Variants in PAK4 observed in about 807,000 individuals in gnomAD.
PAK4 encodes serine/threonine-protein kinase PAK 4.
A neutral mutation model predicts 53.5 loss-of-function variants in PAK4; 49 were observed. That is an observed-to-expected ratio of 0.92 (90% confidence interval 0.73 to 1.16). PAK4 has a LOEUF of 1.16. PAK4 is among the 50% of genes most tolerant of loss of function. PAK4 has a pLI of 0.00. For synonymous variants in PAK4, 376 were observed against 375.6 expected (o/e 1.00, Z -0.01); for missense variants, 824 against 850.7 (o/e 0.97, Z 0.39).
At chr19:39,132,419 C>T (rs2073730151) in intron 1 of PAK4, among the ~76,000 whole-genome samples, 1 of 152,258 alleles carries the variant, frequency 6.6e-6, no homozygotes. Context: ...GCCCGCCCCT[C>T]CCTTTTGTTT....
rs1256393955 is a variant in PAK4 at position 39,160,513 on chromosome 19, G to A, written c.-22-9019G>A. Among the ~76,000 whole-genome samples, 3 of 152,314 alleles carry A rather than the reference G, an allele frequency of 2.0e-5. No individual in the cohort carries two copies. In the East Asian group the frequency reaches 5.8e-4, roughly 29 times the overall value. On this transcript the variant is annotated intron_variant, in intron 1 of 8. Coordinates refer to ENST00000358301, the Ensembl canonical transcript of PAK4. ...TTCAGGGGTCAGGCAGCCTCTCGGAGGAGGTTTTATTTGCACTAAGACCTG... is the reference window on the plus strand; with the variant it reads ...TTCAGGGGTCAGGCAGCCTCTCGGAAGAGGTTTTATTTGCACTAAGACCTG...
intron 1 of PAK4, among the ~76,000 whole-genome samples, chr19:39,153,686 C>T (rs968044931): frequency 6.6e-6 from 1 of 152,220 alleles, no homozygotes; most frequent in Non-Finnish European, 1.5e-5. Context: ...AGGCGATCCA[C>T]TCGCCTTGGC....
chr19:39,131,098 G>C (rs2073701439), intron 1 of PAK4, among the ~76,000 whole-genome samples: 1 of 152,148 alleles, frequency 6.6e-6, no homozygotes, highest in South Asian at 2.1e-4. Flanking sequence ...GAGGCCCAGA[G>C]AGGTACGGGA....
At chr19:39,158,181 A>G (rs35591784) in intron 1 of PAK4, among the ~76,000 whole-genome samples, 35,923 of 148,892 alleles carry the variant, frequency 0.24, 4,629 homozygotes, top group East Asian at 0.46. Flanking sequence ...GTGAGTGTGC[A>G]TGTGTGTGAG....
intron 1 of PAK4, among the ~76,000 whole-genome samples, chr19:39,144,667 T>C (rs1455606017): frequency 6.6e-6 from 1 of 152,216 alleles, no homozygotes; most frequent in Non-Finnish European, 1.5e-5. Context: ...GGCCGGCTGC[T>C]TCCCGGCCTT....
intron 1 of PAK4, among the ~76,000 whole-genome samples, chr19:39,141,788 A>G (rs1385173510): frequency 6.6e-6 from 1 of 151,990 alleles, no homozygotes; most frequent in East Asian, 1.9e-4. Flanking sequence ...GGCGCCCGCC[A>G]CCACGCCTGG....
Position 39,167,802 on chromosome 19 carries a change from C to T in PAK4, c.-22-1730C>T, listed in dbSNP as rs577892304. On this transcript the variant is annotated intron_variant, in intron 1 of 8. Transcript: ENST00000358301. ...CTGCTCCCAGGAAGGCAGCCTGAGC[C>T]GGGAGGAGAAGTAGGTGTGGAGGGG... is the stretch of plus-strand genomic sequence containing the variant. Among the ~76,000 whole-genome samples, 12 of 152,304 alleles carry T rather than the reference C, an allele frequency of 7.9e-5. No individual in the cohort carries two copies. The South Asian group carries it at 1.7e-3, about 21-fold the overall frequency.
chr19:39,147,946 TTC>T (rs1242816131), intron 1 of PAK4, among the ~76,000 whole-genome samples: 1 of 105,938 alleles, frequency 9.4e-6, no homozygotes, highest in South Asian at 3.4e-4. Context: ...TCTTTATCTA[TTC>T]TCTCTCTTTT....
chr19:39,163,055 G>T (rs548435259), intron 1 of PAK4, among the ~76,000 whole-genome samples: 15 of 152,272 alleles, frequency 9.9e-5, no homozygotes, highest in African/African-American at 3.6e-4. Context: ...ACAGCGAGGA[G>T]CCTGCTGTGC....
At chr19:39,132,633 A>C (rs2073735267) in intron 1 of PAK4, among the ~76,000 whole-genome samples, 1 of 152,198 alleles carries the variant, frequency 6.6e-6, no homozygotes, top group African/African-American at 2.4e-5. Flanking sequence ...CGCCCGCCTG[A>C]GTGTGGCTGT....
At chr19:39,141,523 T>A (rs576527) in intron 1 of PAK4, among the ~76,000 whole-genome samples, 1 of 151,800 alleles carries the variant, frequency 6.6e-6, no homozygotes, top group African/African-American at 2.4e-5. Flanking sequence ...ACCATATTGA[T>A]CAGGCTGGTC....
At chr19:39,134,416 C>G (rs2073772219) in intron 1 of PAK4, among the ~76,000 whole-genome samples, 1 of 152,160 alleles carries the variant, frequency 6.6e-6, no homozygotes, top group South Asian at 2.1e-4. Flanking sequence ...CTTGCTTTTC[C>G]TGATAGTTTT....
intron 1 of PAK4, among the ~76,000 whole-genome samples, chr19:39,135,908 C>T (rs1044889032): frequency 6.6e-6 from 1 of 151,392 alleles, no homozygotes; most frequent in Non-Finnish European, 1.5e-5. Flanking sequence ...TGCCCCCCCG[C>T]CACATCCAAA....
Position 39,173,486 on chromosome 19 carries a change from G to C in PAK4, c.664-90G>C. 2 of 1,349,684 alleles carry C rather than the reference G, an allele frequency of 1.5e-6. No homozygotes were observed. Among genetic ancestry groups the C allele is most frequent in the Non-Finnish European group, 2.0e-6 (2 of 992,106 alleles). The allele number at this position is 1,349,684 out of a possible 1,614,324, so 83.6% of individuals were successfully genotyped here. On this transcript the variant is annotated intron_variant, in intron 3 of 8. Coordinates refer to ENST00000358301, the Ensembl canonical transcript of PAK4. The surrounding 1 kb of genome is among the most constrained non-coding windows in gnomAD (Gnocchi z 6.9). Reference sequence around the variant, plus strand: ...TGCATCTCATCCTGACCACCCATGTGTCTGTCCCATCGCTGGGTCTCTCTC... The same window carrying C: ...TGCATCTCATCCTGACCACCCATGTCTCTGTCCCATCGCTGGGTCTCTCTC...
At chr19:39,169,802 C>A (rs567054170) in intron 2 of PAK4, 45 bp downstream of exon 3, 25 of 1,419,284 alleles carry the variant, frequency 1.8e-5, no homozygotes, top group East Asian at 2.4e-5. Context: ...CCCCAACCCC[C>A]GAGTGGCCCT....
chr19:39,169,457 G>C, intron 1 of PAK4, 75 bp from the exon 3 acceptor site: 1 of 1,072,534 alleles, frequency 9.3e-7, no homozygotes, highest in Non-Finnish European at 1.4e-6. Context: ...ATGAGGATGG[G>C]AGGGACAGAG....
At chr19:39,167,446 C>T (rs2144806128) in intron 1 of PAK4, among the ~76,000 whole-genome samples, 1 of 152,094 alleles carries the variant, frequency 6.6e-6, no homozygotes, top group East Asian at 1.9e-4. Context: ...GTCAGGGCCA[C>T]CAGGGGTGGG....
chr19:39,145,484 TG>T (rs949591150), intron 1 of PAK4, among the ~76,000 whole-genome samples: 4 of 151,832 alleles, frequency 2.6e-5, no homozygotes, highest in Admixed American at 1.3e-4. Flanking sequence ...AGCTCTGTCC[TG>T]GGGGGGCCCC....
At chr19:39,180,498 G>T (rs1372502609), downstream of PAK4, 1 of 151,178 alleles carries the variant, frequency 6.6e-6, no homozygotes, top group Non-Finnish European at 1.5e-5. Flanking sequence ...AGGCTGGAGT[G>T]CAGTGGCACG....
Sources: allele counts gnomAD v4.1 joint callset (sites outside exome capture counted in the v4.1 genomes callset), GRCh38; gene constraint gnomAD v4.1.1; non-coding constraint Gnocchi (gnomAD v3.1); transcripts MANE v1.5; gene names NCBI Gene and HGNC (gene_info 2026-07-23, HGNC 2026-07-21).